NGLY1: variants seen among roughly 807,000 people sequenced by gnomAD.
NGLY1 encodes peptide-N(4)-(N-acetyl-beta-glucosaminyl)asparagine amidase.
Under a neutral mutation model 84.6 loss-of-function variants are expected in NGLY1, and 68 were observed. The observed-to-expected ratio is 0.80, with a 90% CI of 0.66 to 0.98. The LOEUF (loss-of-function observed/expected upper bound fraction) is 0.98. Among genes scored for constraint, NGLY1 ranks in the 50% least tolerant of loss-of-function variants. The pLI is 0.00. For missense variants in NGLY1, 779 were observed against 770.2 expected (o/e 1.01, Z -0.14); for synonymous variants, 280 against 275.2 (o/e 1.02, Z -0.17).
In NGLY1 at chr3:25,782,780, A is replaced by G. The variant is rs552042455; in HGVS notation, c.131+480T>C. 103 of 156,152 alleles carry G rather than the reference A, an allele frequency of 6.6e-4. 1 individual carries two copies. The South Asian group carries it at 9.0e-3, about 14-fold the overall frequency. 9.7% of individuals were successfully genotyped at this position (156,152 alleles called of 1,614,324 possible). A position where few individuals can be genotyped will look rare whatever the true frequency, so the allele number is the denominator to read the frequency against. On this transcript the variant is annotated intron_variant, in intron 1 of 11. Coordinates refer to ENST00000280700, the MANE Select transcript of NGLY1 (RefSeq NM_018297.4). ...GCTTTAGTACTCGGATAGTCTCAAC[A>G]TGGGAAGAAAACATCACTTTGTCAG...
intron 2 of NGLY1, among the ~76,000 whole-genome samples, chr3:25,769,337 G>C (rs1394966253): frequency 2.6e-5 from 4 of 151,874 alleles, no homozygotes; most frequent in Non-Finnish European, 5.9e-5. Context: ...CTCCAGCCTG[G>C]GCAACGAAGT....
At chr3:25,760,860 C>CAAAAAAAAAAAAAAAAAAAA (rs760535260) in intron 3 of NGLY1, among the ~76,000 whole-genome samples, 2 of 71,674 alleles carry the variant, frequency 2.8e-5, no homozygotes, top group Admixed American at 1.7e-4. Context: ...AACTCTGTCT[C>CAAAAAAAAAAAAAAAAAAAA]AAAAAAAAAA....
rs1457633648 is a variant in NGLY1, at chr3:25,737,330, G to C, written c.1003+4C>G. On this transcript the variant is annotated splice_donor_region_variant and intron_variant, in intron 6 of 11. Coordinates refer to ENST00000280700, the MANE Select transcript of NGLY1 (RefSeq NM_018297.4). ...CTACCCTCTGCTCATTCCACATTCT[G>C]TACCTGTGTAATCCCAAACATAGCG... is the stretch of plus-strand genomic sequence containing the variant. 6.2e-7 allele frequency: 1 copy of C among 1,607,752 alleles called. No individual in the cohort carries two copies. The highest frequency in any genetic ancestry group is 8.5e-7 in the Non-Finnish European group (1 of 1,177,894).
upstream of NGLY1, among the ~76,000 whole-genome samples, chr3:25,785,135 CAAAAAAAA>C (rs1159268520): frequency 1.8e-4 from 14 of 76,952 alleles, no homozygotes; most frequent in East Asian, 9.4e-4. Context: ...CCTGCTTGGA[CAAAAAAAA>C]AAAAAAAAAA....
At chr3:25,762,441 A>C (rs1707363700) in intron 3 of NGLY1, among the ~76,000 whole-genome samples, 1 of 152,242 alleles carries the variant, frequency 6.6e-6, no homozygotes, top group African/African-American at 2.4e-5. Context: ...TCTCAACTTC[A>C]ACACAGAAGA....
At chr3:25,733,466 C>CGTGTATGTGT (rs1491564606) in intron 8 of NGLY1, among the ~76,000 whole-genome samples, 272 of 134,204 alleles carry the variant, frequency 2.0e-3, no homozygotes, top group African/African-American at 7.2e-3. Flanking sequence ...CTCACATGGA[C>CGTGTATGTGT]GTGTGTGTGT....
intron 3 of NGLY1, among the ~76,000 whole-genome samples, chr3:25,763,816 T>C (rs937756993): frequency 6.6e-6 from 1 of 152,206 alleles, no homozygotes; most frequent in Non-Finnish European, 1.5e-5. Flanking sequence ...GTATTGATAA[T>C]GGTTGTGCTG....
Position 25,738,625 on chromosome 3 carries a change from A to AT in NGLY1, c.881+951dup, listed in dbSNP as rs113109456. Among the ~76,000 whole-genome samples, 1,432 of 146,104 alleles carry AT rather than the reference A, an allele frequency of 9.8e-3. 16 individuals are homozygous for AT. Among genetic ancestry groups the AT allele is most frequent in the African/African-American group, 0.027 (1,098 of 40,138 alleles). On this transcript the variant is annotated intron_variant, in intron 5 of 11. Transcript: ENST00000280700. ...ATGAATTTATAACTTAGGTAATTAA[A>AT]TTTTTTTTTTTTTTGAGACAAAGTC...
intron 4 of NGLY1, among the ~76,000 whole-genome samples, chr3:25,746,488 C>T (rs1706439197): frequency 2.0e-5 from 3 of 152,060 alleles, no homozygotes. Context: ...TTTCTACAAC[C>T]CCTGTATTAC....
In NGLY1 at chr3:25,719,443, C is replaced by G. The variant is rs757218712; in HGVS notation, c.*17G>C. 6 of 1,608,646 alleles carry G rather than the reference C, an allele frequency of 3.7e-6. No individual in the cohort carries two copies. Among genetic ancestry groups the G allele is most frequent in the Non-Finnish European group, 5.1e-6 (6 of 1,176,102 alleles). On this transcript the variant is annotated 3_prime_UTR_variant, in exon 12 of 12. Transcript: ENST00000280700. ...AAGTCCTTGATTATTGCCAGCTTTT[C>G]TATAATGTTCAGGTTCTCAAAGGTC... is the stretch of plus-strand genomic sequence containing the variant.
At chr3:25,760,653 A>G (rs1707266797) in intron 3 of NGLY1, among the ~76,000 whole-genome samples, 1 of 152,110 alleles carries the variant, frequency 6.6e-6, no homozygotes, top group Non-Finnish European at 1.5e-5. Context: ...TGAGGTTGGG[A>G]GTTCGAGACC....
chr3:25,736,445 C>A, intron 6 of NGLY1: 1 of 1,456,010 alleles, frequency 6.9e-7, no homozygotes, highest in Non-Finnish European at 9.4e-7. Flanking sequence ...AAAATATCAT[C>A]CTGAGTTTAC....
chr3:25,727,040 G>T (rs1004805800), intron 10 of NGLY1, among the ~76,000 whole-genome samples: 1 of 152,146 alleles, frequency 6.6e-6, no homozygotes, highest in African/African-American at 2.4e-5. Flanking sequence ...TGAGAAAAAC[G>T]GTAGTGAGAA....
intron 2 of NGLY1, among the ~76,000 whole-genome samples, chr3:25,776,672 C>T (rs1217154971): frequency 1.3e-5 from 2 of 152,104 alleles, no homozygotes; most frequent in African/African-American, 4.8e-5. Context: ...TTCTCTATCT[C>T]AATTAATGAT....
intron 3 of NGLY1, among the ~76,000 whole-genome samples, chr3:25,753,025 T>C (rs1005229069): frequency 2.0e-5 from 3 of 151,518 alleles, no homozygotes; most frequent in Admixed American, 6.6e-5. Context: ...GTAAAAACAA[T>C]GGAAGAAGGC....
chr3:25,787,844 T>C (rs550590084), upstream of NGLY1, among the ~76,000 whole-genome samples: 2 of 152,190 alleles, frequency 1.3e-5, no homozygotes, highest in Non-Finnish European at 2.9e-5. Context: ...GCCACATATT[T>C]AGCTGTTTGT....
intron 10 of NGLY1, among the ~76,000 whole-genome samples, chr3:25,727,833 A>G (rs1705337260): frequency 6.6e-6 from 1 of 152,146 alleles, no homozygotes; most frequent in South Asian, 2.1e-4. Flanking sequence ...CTTTACTAAC[A>G]TTGCTGGTTA....
In NGLY1 at chr3:25,783,355, CGAGCCT is replaced by C; in HGVS notation, c.30_35del (p.Gly11_Ser12del). 6.4e-7 allele frequency: 1 copy of C among 1,567,718 alleles called. No individual in the cohort carries two copies. On this transcript the variant is annotated inframe_deletion, in exon 1 of 12. Coordinates refer to ENST00000280700, the MANE Select transcript of NGLY1 (RefSeq NM_018297.4). The surrounding 1 kb of genome is among the most constrained non-coding windows in gnomAD (Gnocchi z 4.5). ...AGAGCTCAGCCACGGCCGGGGACGC[CGAGCCT>C]GAGGAGCTGCCCAATGCCGCCGCCG...
At chr3:25,783,480 A>G (rs1559563889), upstream of NGLY1, 1 of 1,235,396 alleles carries the variant, frequency 8.1e-7, no homozygotes, top group East Asian at 4.0e-5. This position sits in a 1 kb window ranked among gnomAD's most constrained non-coding sequence, Gnocchi z 4.5. Context: ...TACCGCAGCC[A>G]CCGGCAGGGG....
Sources: allele counts gnomAD v4.1 joint callset (sites outside exome capture counted in the v4.1 genomes callset), GRCh38; gene constraint gnomAD v4.1.1; non-coding constraint Gnocchi (gnomAD v3.1); transcripts MANE v1.5; gene names NCBI Gene and HGNC (gene_info 2026-07-23, HGNC 2026-07-21).